AP2A2: variants seen among roughly 807,000 people sequenced by gnomAD.
AP2A2 encodes the protein adaptor related protein complex 2 subunit alpha 2.
Under a neutral mutation model 104.2 loss-of-function variants are expected in AP2A2, and 32 were observed. That is an observed-to-expected ratio of 0.31 (90% CI 0.23 to 0.41). The LOEUF (loss-of-function observed/expected upper bound fraction) is 0.41. Ranked by LOEUF, AP2A2 falls within the 10% of genes least tolerant of loss-of-function variation. The probability of loss-of-function intolerance (pLI) is 1.00; values close to 1 mark genes in which losing one functional copy is unlikely to be tolerated. For synonymous variants in AP2A2, 539 were observed against 533.3 expected (o/e 1.01, Z -0.15); for missense variants, 912 against 1,261.0 (o/e 0.72, Z 4.19).
At position 993,686 on chromosome 11, in the gene AP2A2, C is replaced by G. The variant is rs567423298; in HGVS notation, c.1551-68C>G. 43 of 1,276,566 alleles carry G rather than the reference C, an allele frequency of 3.4e-5. No homozygotes were observed. The highest frequency in any genetic ancestry group is 1.9e-4 in the South Asian group (14 of 72,180). 79.1% of individuals were successfully genotyped at this position (1,276,566 alleles called of 1,614,324 possible). On this transcript the variant is annotated intron_variant, in intron 12 of 21. Transcript: ENST00000448903. This position sits in a 1 kb window ranked among gnomAD's most constrained non-coding sequence, Gnocchi z 8.2. ...CAGGGGGTCTCGCCGCCGTCCCCCC[C>G]CCGCGGGGGCGTGCTGCAGCCTGCG...
intron 1 of AP2A2, among the ~76,000 whole-genome samples, chr11:943,612 G>A (rs1290402624): frequency 1.3e-5 from 2 of 152,224 alleles, no homozygotes; most frequent in Non-Finnish European, 2.9e-5. Context: ...TAGGTTGGAG[G>A]TGAGTGGAAG....
At chr11:1,003,166 C>T (rs1284728376) in intron 15 of AP2A2, among the ~76,000 whole-genome samples, 1 of 149,780 alleles carries the variant, frequency 6.7e-6, no homozygotes, top group Admixed American at 6.6e-5. Flanking sequence ...GTGAGCAAAA[C>T]CCTGGGCTCC....
At chr11:983,655 T>A (rs913163931) in intron 6 of AP2A2, among the ~76,000 whole-genome samples, 1 of 152,186 alleles carries the variant, frequency 6.6e-6, no homozygotes, top group African/African-American at 2.4e-5. Flanking sequence ...AGTGCTGGGA[T>A]TACAGGCGGG....
intron 2 of AP2A2, among the ~76,000 whole-genome samples, chr11:961,565 G>A (rs1051914407): frequency 5.8e-5 from 8 of 138,944 alleles, no homozygotes; most frequent in African/African-American, 2.2e-4. Flanking sequence ...GGAGATGTGG[G>A]TCTGACAGAG....
Position 926,114 on chromosome 11 carries a change from C to T in AP2A2, c.67+26C>T, listed in dbSNP as rs776763200. On this transcript the variant is annotated intron_variant, in intron 1 of 21. Coordinates refer to ENST00000448903, the MANE Select transcript of AP2A2 (RefSeq NM_012305.4). Reference sequence around the variant, plus strand: ...GTGAGTGGCGGGGGCGGCGTGGGGCCGGGGCCGGGGCCGCCGGCGGAGACG... The same window carrying T: ...GTGAGTGGCGGGGGCGGCGTGGGGCTGGGGCCGGGGCCGCCGGCGGAGACG... 191 of 1,240,934 alleles carry T rather than the reference C, an allele frequency of 1.5e-4. No individual in the cohort carries two copies. The East Asian group carries it at 5.6e-3, about 36-fold the overall frequency. 76.9% of individuals were successfully genotyped at this position (1,240,934 alleles called of 1,614,324 possible). A position where few individuals can be genotyped will look rare whatever the true frequency, so the allele number is the denominator to read the frequency against.
rs562369889 is a variant in AP2A2, at chr11:938,323, T to C, written c.67+12235T>C. ...TGAGGTTTTAAAGCTTTTGAAATTA[T>C]GTTTATCCCGTTAACCCCTTGTAGT... is the stretch of plus-strand genomic sequence containing the variant. On this transcript the variant is annotated intron_variant, in intron 1 of 21. Coordinates refer to ENST00000448903, the MANE Select transcript of AP2A2 (RefSeq NM_012305.4). 9.8e-5 allele frequency among the ~76,000 whole-genome samples: 15 copies of C among 152,354 alleles called. No homozygotes were observed. In the South Asian group the frequency reaches 3.1e-3, roughly 32 times the overall value.
At chr11:926,742 G>GCAGCAGT (rs1853133757) in intron 1 of AP2A2, among the ~76,000 whole-genome samples, 1 of 152,194 alleles carries the variant, frequency 6.6e-6, no homozygotes, top group Non-Finnish European at 1.5e-5. Context: ...CTGGACACGA[G>GCAGCAGT]CAGCAGTCGG....
intron 15 of AP2A2, among the ~76,000 whole-genome samples, chr11:1,002,647 C>T (rs921845901): frequency 6.6e-6 from 1 of 152,272 alleles, no homozygotes; most frequent in South Asian, 2.1e-4. Flanking sequence ...CCTGTCACTG[C>T]CCCTTGCCGT....
Position 993,756 on chromosome 11 carries a change from C to T in AP2A2, c.1553C>T (p.Pro518Leu), listed in dbSNP as rs1268454194. The T allele has an allele frequency of 1.9e-6, 3 of 1,589,138 alleles. No individual in the cohort carries two copies. The highest frequency in any genetic ancestry group is 1.7e-5 in the Admixed American group (1 of 57,414). The change falls in exon 13 of 22, where the codon CCG (proline) becomes CTG (leucine). Residue 518 changes from proline (P) to leucine (L), a missense_variant and splice_region_variant. By Grantham distance (98) the Pro-to-Leu change is moderately conservative. Transcript: ENST00000448903. This position sits in a 1 kb window ranked among gnomAD's most constrained non-coding sequence, Gnocchi z 8.2. The part of the protein sequence containing the change: ...NLIAGDPRSS[P>L]LIQFHLLHSK... ...GTGTTGTGCCTCCCCGTCCCCAGCC[C>T]GCTGATCCAGTTCCACCTGCTGCAC...
chr11:973,914 T>C (rs1854921819), intron 4 of AP2A2, among the ~76,000 whole-genome samples: 1 of 152,158 alleles, frequency 6.6e-6, no homozygotes, highest in Non-Finnish European at 1.5e-5. Flanking sequence ...AGGTCCCTAG[T>C]AGGTGCTTGG....
At chr11:970,882 G>T (rs888044141) in intron 3 of AP2A2, among the ~76,000 whole-genome samples, 1 of 152,242 alleles carries the variant, frequency 6.6e-6, no homozygotes, top group Non-Finnish European at 1.5e-5. Flanking sequence ...CCCAGCCCTT[G>T]CCGGGCTGGT....
chr11:1,011,073 G>A lies in AP2A2; in HGVS notation c.*448G>A, dbSNP rs181693438. Reference sequence around the variant, plus strand: ...CCGTCCTGGTGGCTGCACACCTGGCGTCGTCCTGGGCCCTTGGGAGGAGCA... The same window carrying A: ...CCGTCCTGGTGGCTGCACACCTGGCATCGTCCTGGGCCCTTGGGAGGAGCA... On this transcript the variant is annotated 3_prime_UTR_variant, in exon 22 of 22. Transcript: ENST00000448903. 4.7e-4 allele frequency: 287 copies of A among 614,282 alleles called. 1 individual carries two copies. Among genetic ancestry groups the A allele is most frequent in the Non-Finnish European group, 7.6e-4 (245 of 322,944 alleles). The allele number at this position is 614,282 out of a possible 1,614,324, so 38.1% of individuals were successfully genotyped here.
chr11:963,294 C>T (rs538360714), intron 2 of AP2A2, among the ~76,000 whole-genome samples: 5 of 151,930 alleles, frequency 3.3e-5, no homozygotes, highest in East Asian at 1.9e-4. Flanking sequence ...GGCATGGTGG[C>T]GGGCACCTGT....
intron 15 of AP2A2, among the ~76,000 whole-genome samples, chr11:1,002,492 G>A (rs1041750625): frequency 9.2e-5 from 14 of 152,256 alleles, no homozygotes; most frequent in Non-Finnish European, 2.1e-4. Flanking sequence ...CCAGCAGCCT[G>A]CCGGGCTGTG....
intron 1 of AP2A2, among the ~76,000 whole-genome samples, chr11:956,468 A>G (rs1854238292): frequency 6.6e-6 from 1 of 152,232 alleles, no homozygotes; most frequent in Non-Finnish European, 1.5e-5. Flanking sequence ...AAAATAGAAT[A>G]AAAAGTGACT....
In AP2A2 at chr11:984,750, C is replaced by A; in HGVS notation, c.811C>A (p.Pro271Thr). Residue 271 changes from proline (P) to threonine (T), a missense_variant, in exon 7 of 22, where the codon CCA (proline) becomes ACA (threonine). This residue lies in a region of AP2A2 where 350 missense variants were observed against 487.0 expected (regional missense o/e 0.72). Transcript: ENST00000448903. ...LLRLLQCYPP[P>T]DPAVRGRLTE... ...GAGACTGCTGCAGTGCTACCCACCC[C>A]CAGGTAACGCGCAGGCCGCGGCTCC... The A allele has an allele frequency of 6.2e-7, 1 of 1,607,786 alleles. No individual in the cohort carries two copies. The highest frequency in any genetic ancestry group is 8.5e-7 in the Non-Finnish European group (1 of 1,175,556).
Position 993,211 on chromosome 11 carries a change from C to A in AP2A2, c.1453-73C>A. ...GCTGGTGCTGGTGTAGGGTGCACCG[C>A]GCCAGGACGTGCCCGCCTCGCCTTA... is the stretch of plus-strand genomic sequence containing the variant. On this transcript the variant is annotated intron_variant, in intron 11 of 21. Transcript: ENST00000448903. The surrounding 1 kb of genome is among the most constrained non-coding windows in gnomAD (Gnocchi z 8.2). 8.0e-7 allele frequency: 1 copy of A among 1,249,814 alleles called. No homozygotes were observed. The highest frequency in any genetic ancestry group is 1.1e-6 in the Non-Finnish European group (1 of 907,318). The allele number at this position is 1,249,814 out of a possible 1,614,324, so 77.4% of individuals were successfully genotyped here.
chr11:994,382 T>G, intron 14 of AP2A2, 137 bp downstream of exon 14: 2 of 1,121,884 alleles, frequency 1.8e-6, no homozygotes, highest in Non-Finnish European at 2.5e-6. Context: ...GACACCCCGC[T>G]GTCCTGTCCT....
intron 1 of AP2A2, among the ~76,000 whole-genome samples, chr11:930,226 C>T (rs1002281750): frequency 2.0e-5 from 3 of 151,984 alleles, no homozygotes; most frequent in African/African-American, 7.3e-5. Flanking sequence ...TAACCCACTC[C>T]CAGCAGACTG....
Sources: allele counts gnomAD v4.1 joint callset (sites outside exome capture counted in the v4.1 genomes callset), GRCh38; gene constraint gnomAD v4.1.1; regional missense constraint gnomAD v4.1.1; non-coding constraint Gnocchi (gnomAD v3.1); transcripts MANE v1.5; gene names NCBI Gene and HGNC (gene_info 2026-07-23, HGNC 2026-07-21).